Variants in DISP2 observed in about 807,000 individuals in gnomAD.
DISP2 encodes the protein protein dispatched homolog 2.
A neutral mutation model predicts 95.5 loss-of-function variants in DISP2; 59 were observed. The ratio of observed to expected loss-of-function variants is 0.62; its 90% CI spans 0.50 to 0.77. The LOEUF (loss-of-function observed/expected upper bound fraction) is 0.77, where lower values mean the gene tolerates loss of function less well. Ranked by LOEUF, DISP2 falls within the 30% of genes least tolerant of loss-of-function variation. The probability of loss-of-function intolerance (pLI) is 0.00; values close to 1 mark genes in which losing one functional copy is unlikely to be tolerated. For missense variants in DISP2, 1,752 were observed against 1,854.6 expected (o/e 0.94, Z 1.02); for synonymous variants, 827 against 815.0 (o/e 1.01, Z -0.25).
rs760017067 is a variant in DISP2, at chr15:40,369,278, C to T, written c.3166C>T (p.Leu1056=). The part of the protein sequence containing the change: ...PDRLSRVAFS[L]RQTSCATAVG... Reference sequence around the variant, plus strand: ...CCGCCTGAGCCGTGTGGCCTTCTCTCTGCGCCAGACCAGCTGCGCCACAGC... The same window carrying T: ...CCGCCTGAGCCGTGTGGCCTTCTCTTTGCGCCAGACCAGCTGCGCCACAGC... The change falls in exon 8 of 8, where the codon CTG becomes TTG. Residue 1056 remains leucine (L), a synonymous_variant. Transcript: ENST00000267889. 6.8e-6 allele frequency: 11 copies of T among 1,613,788 alleles called. No homozygotes were observed. The highest frequency in any genetic ancestry group is 3.3e-5 in the Admixed American group (2 of 60,036).
In DISP2 at chr15:40,368,641, C is replaced by T. The variant is rs1330355888; in HGVS notation, c.2529C>T (p.Arg843=). Residue 843 remains arginine, a synonymous_variant, in exon 8 of 8, where the codon CGC becomes CGT. Coordinates refer to ENST00000267889, the MANE Select transcript of DISP2 (RefSeq NM_033510.3). ...PTLCFVETLQ[R]WMESPSCARL... is the part of the protein sequence containing the mutation. ...TGTGTTTCGTGGAGACCCTCCAGCG[C>T]TGGATGGAGAGCCCCAGCTGCGCCC... The T allele has an allele frequency of 6.2e-7, 1 of 1,609,900 alleles. No individual in the cohort carries two copies. The highest frequency in any genetic ancestry group is 1.7e-5 in the Admixed American group (1 of 60,020).
chr15:40,369,763 G>C lies in DISP2; in HGVS notation c.3651G>C (p.Leu1217=). The C allele has an allele frequency of 6.2e-7, 1 of 1,606,274 alleles. No individual in the cohort carries two copies. Among genetic ancestry groups the C allele is most frequent in the Non-Finnish European group, 8.5e-7 (1 of 1,176,950 alleles). Residue 1217 remains leucine, a synonymous_variant, in exon 8 of 8, where the codon CTG becomes CTC. Transcript: ENST00000267889. The stretch of plus-strand genomic sequence containing the variant: ...CAGCCCCTGCCTCCCCAAGGGAGCT[G>C]CTGCTGGACCACCAGGCAGTCTTCA... ...PPPAPASPRE[L]LLDHQAVFSQ... is the part of the protein sequence containing the mutation.
At chr15:40,358,555 G>GC in intron 1 of DISP2, 115 bp downstream of exon 1, 1 of 824,292 alleles carries the variant, frequency 1.2e-6, no homozygotes, top group Non-Finnish European at 1.6e-6. Flanking sequence ...CCCTCCCGGA[G>GC]CCCCTTCCCG....
At chr15:40,364,202 A>T in intron 2 of DISP2, 24 bp from the exon 3 acceptor site, 1 of 1,613,980 alleles carries the variant, frequency 6.2e-7, no homozygotes, top group Non-Finnish European at 8.5e-7. Context: ...CTGGCAAGCA[A>T]GCATCTTTTC....
chr15:40,368,848 G>C lies in DISP2; in HGVS notation c.2736G>C (p.Arg912=). 6.2e-7 allele frequency: 1 copy of C among 1,614,012 alleles called. No individual in the cohort carries two copies. The change falls in exon 8 of 8, where the codon CGG becomes CGC. Residue 912 remains arginine (R), a synonymous_variant. Coordinates refer to ENST00000267889, the MANE Select transcript of DISP2 (RefSeq NM_033510.3). ...ALVLQFQTNF[R]NSPDYNQTQL... ...TCCTACAATTCCAGACCAACTTCCG[G>C]AACAGTCCGGACTACAACCAGACCC... is the stretch of plus-strand genomic sequence containing the variant.
At position 40,368,081 on chromosome 15, in the gene DISP2, C is replaced by T. The variant is rs1337228419; in HGVS notation, c.1969C>T (p.Arg657Trp). 22 of 1,401,244 alleles carry T rather than the reference C, an allele frequency of 1.6e-5. No homozygotes were observed. The highest frequency in any genetic ancestry group is 6.1e-5 in the Admixed American group (2 of 32,664). 86.8% of individuals were successfully genotyped at this position (1,401,244 alleles called of 1,614,324 possible). The change falls in exon 8 of 8, where the codon CGG (arginine) becomes TGG (tryptophan). Residue 657 changes from arginine to tryptophan, a missense_variant. Around this residue, in one of 5 missense-constraint regions of DISP2, gnomAD observed 732 missense variants for 714.6 expected, o/e 1.02. Transcript: ENST00000267889. ...YLARGCARRA[R>W]GRWEGSAPRR... ...GGCGCGCGGCTGTGCGCGCCGGGCG[C>T]GGGGCCGGTGGGAGGGCAGCGCGCC... is the stretch of plus-strand genomic sequence containing the variant.
Position 40,376,842 on chromosome 15 carries a change from G to A in DISP2, c.*6524G>A, listed in dbSNP as rs775490156. The A allele has an allele frequency of 7.9e-5, 12 of 152,146 alleles. No individual in the cohort carries two copies. Among genetic ancestry groups the A allele is most frequent in the Non-Finnish European group, 1.5e-4 (10 of 68,026 alleles). 9.4% of individuals were successfully genotyped at this position (152,146 alleles called of 1,614,324 possible). A position where few individuals can be genotyped will look rare whatever the true frequency, so the allele number is the denominator to read the frequency against. ...AAAGAAGAATTTAAACTGAAAGTGA[G>A]ATGGTTGACACAGGATACATATTAA... On this transcript the variant is annotated 3_prime_UTR_variant, in exon 8 of 8. Coordinates refer to ENST00000267889, the MANE Select transcript of DISP2 (RefSeq NM_033510.3).
rs374669200 is a variant in DISP2, at chr15:40,364,837, G to A, written c.604-1G>A. 5 of 1,613,698 alleles carry A rather than the reference G, an allele frequency of 3.1e-6. No homozygotes were observed. The highest frequency in any genetic ancestry group is 4.2e-6 in the Non-Finnish European group (5 of 1,179,868). ...GTTCTTCTCCACCCTCCTCCCTGCA[G>A]GGCTTTGAGCCACGGGACACAGACA... On this transcript the variant is annotated splice_acceptor_variant, in intron 4 of 7. Coordinates refer to ENST00000267889, the MANE Select transcript of DISP2 (RefSeq NM_033510.3). LOFTEE classifies it high-confidence loss of function.
At chr15:40,363,454 C>T (rs550335916) in intron 1 of DISP2, among the ~76,000 whole-genome samples, 171 bp from the exon 2 acceptor site, 10 of 152,228 alleles carry the variant, frequency 6.6e-5, no homozygotes, top group African/African-American at 9.6e-5. Flanking sequence ...AGGCTGAGGG[C>T]GCAGACTTCG....
rs1555399513 is a variant in DISP2 at position 40,358,248 on chromosome 15, G to GCCGCCGCCGCTGCCGCCGCCA, written c.-69_-68insGCCGCTGCCGCCGCCACCGCC. 2 of 1,034,680 alleles carry GCCGCCGCCGCTGCCGCCGCCA rather than the reference G, an allele frequency of 1.9e-6. No individual in the cohort carries two copies. The highest frequency in any genetic ancestry group is 2.4e-6 in the Non-Finnish European group (2 of 839,524). 64.1% of individuals were successfully genotyped at this position (1,034,680 alleles called of 1,614,324 possible). A position where few individuals can be genotyped will look rare whatever the true frequency, so the allele number is the denominator to read the frequency against. On this transcript the variant is annotated 5_prime_UTR_variant, in exon 1 of 8. Coordinates refer to ENST00000267889, the MANE Select transcript of DISP2 (RefSeq NM_033510.3). Reference sequence around the variant, plus strand: ...GCACGAGCACCCCGCCGCCGCTGCCGCCGCCACCGCCGCCGCCGCCGCCGC... The same window carrying GCCGCCGCCGCTGCCGCCGCCA: ...GCACGAGCACCCCGCCGCCGCTGCCGCCGCCGCCGCTGCCGCCGCCACCGCCACCGCCGCCGCCGCCGCCGC...
In DISP2 at chr15:40,365,782, TGATCCC is replaced by T. The variant is rs1372483150; in HGVS notation, c.945+58_945+63del. The stretch of plus-strand genomic sequence containing the variant: ...GGGGGAACTAAGGACATGAGGGAAC[TGATCCC>T]AAGGAAATACAGCTGAGCCAGGACT... On this transcript the variant is annotated intron_variant, in intron 7 of 7. Transcript: ENST00000267889. 37 of 1,546,180 alleles carry T rather than the reference TGATCCC, an allele frequency of 2.4e-5. No individual in the cohort carries two copies. In the Admixed American group the frequency reaches 3.8e-4, roughly 16 times the overall value.
chr15:40,364,682 T>C, intron 4 of DISP2, 138 bp downstream of exon 4: 3 of 1,441,224 alleles, frequency 2.1e-6, no homozygotes, highest in South Asian at 1.4e-5. Flanking sequence ...CCAGAGAGAG[T>C]TGGGGAGATG....
In DISP2 at chr15:40,370,879, TC is replaced by T; in HGVS notation, c.*562del. The T allele has an allele frequency of 3.6e-6, 1 of 280,054 alleles. No homozygotes were observed. Among genetic ancestry groups the T allele is most frequent in the South Asian group, 3.4e-5 (1 of 29,178 alleles). 17.3% of individuals were successfully genotyped at this position (280,054 alleles called of 1,614,324 possible). On this transcript the variant is annotated 3_prime_UTR_variant, in exon 8 of 8. Coordinates refer to ENST00000267889, the MANE Select transcript of DISP2 (RefSeq NM_033510.3). ...CCCAACTGCCCTGCTCTCCTCATACTCACCGGTTTGACCAGAAATTCTCCAA... is the reference window on the plus strand; with the variant it reads ...CCCAACTGCCCTGCTCTCCTCATACTACCGGTTTGACCAGAAATTCTCCAA...
intron 1 of DISP2, among the ~76,000 whole-genome samples, chr15:40,362,207 C>A (rs1291972498): frequency 6.6e-6 from 1 of 152,210 alleles, no homozygotes; most frequent in Non-Finnish European, 1.5e-5. Flanking sequence ...ATCTTCTGCT[C>A]CGTGCTCCAT....
At position 40,370,306 on chromosome 15, in the gene DISP2, C is replaced by T. The variant is rs917207889; in HGVS notation, c.4194C>T (p.Gly1398=). The change falls in exon 8 of 8, where the codon GGC becomes GGT. Residue 1398 remains glycine, a synonymous_variant. Transcript: ENST00000267889. ...WLRRPSTHTS[G]YSS ...GCAGGCCCAGCACTCACACGTCAGG[C>T]TATAGCAGCTGAGGGGGACCCGGGG... is the stretch of plus-strand genomic sequence containing the variant. 7.2e-6 allele frequency: 11 copies of T among 1,531,658 alleles called. No homozygotes were observed. Among genetic ancestry groups the T allele is most frequent in the African/African-American group, 2.8e-5 (2 of 72,532 alleles). 94.9% of individuals were successfully genotyped at this position (1,531,658 alleles called of 1,614,324 possible). A position where few individuals can be genotyped will look rare whatever the true frequency, so the allele number is the denominator to read the frequency against.
At position 40,369,454 on chromosome 15, in the gene DISP2, C is replaced by T. The variant is rs764784436; in HGVS notation, c.3342C>T (p.Phe1114=). The T allele has an allele frequency of 3.0e-5, 49 of 1,613,214 alleles. No homozygotes were observed. The African/African-American group carries it at 3.3e-4, about 11-fold the overall frequency. Residue 1114 remains phenylalanine (F), a synonymous_variant, in exon 8 of 8, where the codon TTC becomes TTT. Transcript: ENST00000267889. ...TCTTCCAATCTCTCTGCTGTTTCTT[C>T]GGGCCAGAGAAGAACTGTGGGCAGA... ...SFFFQSLCCF[F]GPEKNCGQIL... is the part of the protein sequence containing the mutation.
chr15:40,367,880 G>T lies in DISP2; in HGVS notation c.1768G>T (p.Gly590Cys). The change falls in exon 8 of 8, where the codon GGC (glycine) becomes TGC (cysteine). Residue 590 changes from glycine (G) to cysteine (C), a missense_variant. Gly to Cys is a radical substitution (Grantham distance 159). Coordinates refer to ENST00000267889, the MANE Select transcript of DISP2 (RefSeq NM_033510.3). ...QRVGRTMHHF[G>C]YLLLVSGLTT... ...CGTGGGCCGCACCATGCACCACTTCGGCTACCTGCTGCTGGTCTCCGGCCT... is the reference window on the plus strand; with the variant it reads ...CGTGGGCCGCACCATGCACCACTTCTGCTACCTGCTGCTGGTCTCCGGCCT... The T allele has an allele frequency of 6.3e-7, 1 of 1,599,364 alleles. No homozygotes were observed.
intron 7 of DISP2, among the ~76,000 whole-genome samples, chr15:40,366,001 G>A (rs768515252): frequency 1.3e-5 from 2 of 152,254 alleles, no homozygotes; most frequent in African/African-American, 2.4e-5. Context: ...CCTCCAGAGC[G>A]GGTGAGGAGG....
chr15:40,364,196 C>G, intron 2 of DISP2, 30 bp from the exon 3 acceptor site: 1 of 1,613,906 alleles, frequency 6.2e-7, no homozygotes, highest in Non-Finnish European at 8.5e-7. Flanking sequence ...AGAACTCTGG[C>G]AAGCAAGCAT....
Sources: allele counts gnomAD v4.1 joint callset (sites outside exome capture counted in the v4.1 genomes callset), GRCh38; gene constraint gnomAD v4.1.1; regional missense constraint gnomAD v4.1.1; transcripts MANE v1.5; gene names NCBI Gene and HGNC (gene_info 2026-07-23, HGNC 2026-07-21).